ZGPAT: variants seen among roughly 807,000 people sequenced by gnomAD.
ZGPAT encodes zinc finger CCCH-type with G patch domain-containing protein.
A neutral mutation model predicts 47.9 loss-of-function variants in ZGPAT; 39 were observed. The observed-to-expected ratio is 0.81, with a 90% CI of 0.63 to 1.06. ZGPAT has a LOEUF of 1.06. Ranked by LOEUF, ZGPAT falls within the 50% of genes least tolerant of loss-of-function variation. The probability of loss-of-function intolerance (pLI) is 0.00; values close to 1 mark genes in which losing one functional copy is unlikely to be tolerated. For missense variants in ZGPAT, 717 were observed against 681.4 expected, an observed-to-expected ratio of 1.05 and a Z score of -0.58; for synonymous variants, 348 against 292.9, an observed-to-expected ratio of 1.19 and a Z score of -1.92.
chr20:63,708,766 G>A lies in ZGPAT; in HGVS notation c.186G>A (p.Leu62=), dbSNP rs1327468399. Residue 62 remains leucine, a synonymous_variant, in exon 2 of 7, where the codon TTG becomes TTA. Transcript: ENST00000355969. ...ASLVSVRKSS[L]LAALDEERPG... The stretch of plus-strand genomic sequence containing the variant: ...TGGTGTCTGTCAGGAAGAGCAGCTT[G>A]TTGGCCGCGCTGGACGAAGAGCGCC... The A allele has an allele frequency of 6.2e-7, 1 of 1,610,652 alleles. No homozygotes were observed.
intron 2 of ZGPAT, among the ~76,000 whole-genome samples, chr20:63,723,312 GCTCCATCCTCCCTTCTCCTATGAC>G (rs2091808737): frequency 7.9e-6 from 1 of 125,994 alleles, no homozygotes; most frequent in Non-Finnish European, 1.7e-5. Flanking sequence ...CTATGACACA[GCTCCATCCTCCCTTCTCCTATGAC>G]ACAGCTCCAT....
chr20:63,729,002 T>C (rs2091870689), intron 2 of ZGPAT, among the ~76,000 whole-genome samples: 1 of 152,158 alleles, frequency 6.6e-6, no homozygotes, highest in Non-Finnish European at 1.5e-5. Flanking sequence ...TTTGATAATT[T>C]TGTCTAGTTT....
At position 63,735,286 on chromosome 20, in the gene ZGPAT, C is replaced by A; in HGVS notation, c.1119C>A (p.Asn373Lys). Reference protein sequence around the residue: ...KQTRVGKAGTNKPPRCRGRGA... With the variant: ...KQTRVGKAGTKKPPRCRGRGA... ...CCAGGGTTGGCAAGGCTGGCACCAACAAGCCCCCCAGGTGCCGGGGAAGAG... is the reference window on the plus strand; with the variant it reads ...CCAGGGTTGGCAAGGCTGGCACCAAAAAGCCCCCCAGGTGCCGGGGAAGAG... Residue 373 changes from asparagine to lysine, a missense_variant, in exon 6 of 7, where the codon AAC (asparagine) becomes AAA (lysine). Physicochemically the swap from Asn to Lys is moderately conservative, Grantham distance 94 (BLOSUM62 0). Transcript: ENST00000355969. 1 of 1,605,756 alleles carries A rather than the reference C, an allele frequency of 6.2e-7. No individual in the cohort carries two copies.
rs993870644 is a variant in ZGPAT at position 63,736,142 on chromosome 20, A to G, written c.*223A>G. The G allele has an allele frequency of 3.2e-6, 2 of 630,100 alleles. No homozygotes were observed. Among genetic ancestry groups the G allele is most frequent in the African/African-American group, 3.7e-5 (2 of 53,972 alleles). 39.0% of individuals were successfully genotyped at this position (630,100 alleles called of 1,614,324 possible). On this transcript the variant is annotated 3_prime_UTR_variant, in exon 7 of 7. Transcript: ENST00000355969. ...ATTAAAGTGATTTCATCACAGTGTC[A>G]TTCAGTGGAGATCAGCTGGCTGCAG...
intron 2 of ZGPAT, among the ~76,000 whole-genome samples, chr20:63,715,828 A>G (rs1270285807): frequency 7.4e-6 from 1 of 134,600 alleles, no homozygotes; most frequent in African/African-American, 2.8e-5. Flanking sequence ...ATATACAATC[A>G]TATATAGAGA....
chr20:63,731,895 A>C (rs528678612), intron 2 of ZGPAT, among the ~76,000 whole-genome samples: 1 of 152,376 alleles, frequency 6.6e-6, no homozygotes, highest in South Asian at 2.1e-4. Flanking sequence ...TACTGCAAGT[A>C]ATCTAGGGAT....
chr20:63,717,380 C>G (rs1471570703), intron 2 of ZGPAT, among the ~76,000 whole-genome samples: 4 of 124,526 alleles, frequency 3.2e-5, no homozygotes, highest in African/African-American at 1.2e-4. Context: ...GATGGAGTCT[C>G]CCTCTGTCAC....
At chr20:63,724,006 G>A (rs1055308012) in intron 2 of ZGPAT, among the ~76,000 whole-genome samples, 2 of 152,168 alleles carry the variant, frequency 1.3e-5, no homozygotes, top group Non-Finnish European at 1.5e-5. Flanking sequence ...CTTGAGCCTG[G>A]GAAGTCAAGG....
intron 2 of ZGPAT, among the ~76,000 whole-genome samples, chr20:63,732,906 ATGTG>A (rs201635887): frequency 2.6e-5 from 4 of 151,630 alleles, no homozygotes; most frequent in African/African-American, 4.9e-5. Context: ...GTGTATATGC[ATGTG>A]TGTGTATATG....
At chr20:63,733,169 G>T (rs2091940450) in intron 2 of ZGPAT, 50 bp from the exon 3 acceptor site, 2 of 1,593,206 alleles carry the variant, frequency 1.3e-6, no homozygotes, top group Non-Finnish European at 1.7e-6. Context: ...GGGTTGGTTT[G>T]CCCCTGGTGG....
At position 63,733,228 on chromosome 20, in the gene ZGPAT, T is replaced by C. The variant is rs1271729552; in HGVS notation, c.594T>C (p.His198=). The C allele has an allele frequency of 6.2e-7, 1 of 1,613,580 alleles. No individual in the cohort carries two copies. Among genetic ancestry groups the C allele is most frequent in the African/African-American group, 1.3e-5 (1 of 75,030 alleles). Residue 198 remains histidine, a synonymous_variant, in exon 3 of 7, where the codon CAT becomes CAC. Transcript: ENST00000355969. ...CRFKENCRFS[H]GQVVSLDELR... is the part of the protein sequence containing the mutation. The stretch of plus-strand genomic sequence containing the variant: ...ACGGCTCTGTCTGCAGGTTCTCCCA[T>C]GGGCAGGTGGTCTCTCTGGATGAGC...
At chr20:63,709,420 C>G (rs6011044) in intron 2 of ZGPAT, among the ~76,000 whole-genome samples, 1 of 152,148 alleles carries the variant, frequency 6.6e-6, no homozygotes, top group African/African-American at 2.4e-5. Flanking sequence ...GGCAGATCAC[C>G]TGAGGTCAGG....
intron 2 of ZGPAT, among the ~76,000 whole-genome samples, chr20:63,721,595 G>T (rs1450314982): frequency 6.6e-6 from 1 of 152,146 alleles, no homozygotes; most frequent in East Asian, 1.9e-4. Flanking sequence ...GCATGAACAG[G>T]AGCTTTCCAA....
chr20:63,715,749 G>A (rs1263940217), intron 2 of ZGPAT, among the ~76,000 whole-genome samples: 1 of 151,878 alleles, frequency 6.6e-6, no homozygotes, highest in African/African-American at 2.4e-5. Context: ...TTATATTATG[G>A]GAAGAGGTAA....
intron 2 of ZGPAT, among the ~76,000 whole-genome samples, chr20:63,727,569 A>G (rs2091857763): frequency 6.6e-6 from 1 of 151,138 alleles, no homozygotes; most frequent in African/African-American, 2.4e-5. Flanking sequence ...TACTCCAGAG[A>G]CTGAGGCCTG....
At position 63,733,700 on chromosome 20, in the gene ZGPAT, T is replaced by G; in HGVS notation, c.832T>G (p.Ser278Ala). The change falls in exon 4 of 7, where the codon TCA (serine) becomes GCA (alanine). Residue 278 changes from serine to alanine, a missense_variant. Physicochemically the swap from Ser to Ala is moderately conservative, Grantham distance 99. Transcript: ENST00000355969. Reference sequence around the variant, plus strand: ...GCGCACAGAGGCCACAGAGTCCGACTCAGACAGCGACGGTACGGGTGACTC... The same window carrying G: ...GCGCACAGAGGCCACAGAGTCCGACGCAGACAGCGACGGTACGGGTGACTC... ...PLRTEATESD[S>A]DSDGTGDSSY... The G allele has an allele frequency of 6.2e-7, 1 of 1,613,900 alleles. No individual in the cohort carries two copies. The highest frequency in any genetic ancestry group is 1.1e-5 in the South Asian group (1 of 91,084).
chr20:63,730,065 T>G (rs2091882465), intron 2 of ZGPAT: 1 of 141,692 alleles, frequency 7.1e-6, no homozygotes, highest in Non-Finnish European at 1.5e-5. Flanking sequence ...TAGAAGCACT[T>G]TCTGGGTTAA....
chr20:63,732,870 G>C (rs751211220), intron 2 of ZGPAT, among the ~76,000 whole-genome samples: 9 of 152,044 alleles, frequency 5.9e-5, no homozygotes, highest in Admixed American at 1.3e-4. Flanking sequence ...GTATATGCGC[G>C]TGTGCGTATG....
At chr20:63,733,896 G>A (rs897619147) in intron 4 of ZGPAT, 157 bp downstream of exon 4, 4 of 940,026 alleles carry the variant, frequency 4.3e-6, no homozygotes, top group Non-Finnish European at 6.2e-6. Flanking sequence ...GTGGGTAGGG[G>A]TAGATCCGTG....
Sources: allele counts gnomAD v4.1 joint callset (sites outside exome capture counted in the v4.1 genomes callset), GRCh38; gene constraint gnomAD v4.1.1; transcripts MANE v1.5; gene names NCBI Gene and HGNC (gene_info 2026-07-23, HGNC 2026-07-21).